The following COL14A1 variants were observed in gnomAD, a reference collection of about 807,000 sequenced individuals.
The protein encoded by COL14A1 is collagen type XIV alpha 1 chain.
Under a neutral mutation model 230.3 loss-of-function variants are expected in COL14A1, and 136 were observed. The observed-to-expected ratio is 0.59, with a 90% CI of 0.51 to 0.68. COL14A1 has a LOEUF of 0.68. Ranked by LOEUF, COL14A1 falls within the 30% of genes least tolerant of loss-of-function variation. COL14A1 has a pLI of 0.00. For missense variants in COL14A1, 1,976 were observed against 2,215.8 expected (o/e 0.89, Z 2.17); for synonymous variants, 792 against 784.1 (o/e 1.01, Z -0.17).
At chr8:120,370,576 C>A in intron 47 of COL14A1, 3 of 1,456,508 alleles carry the variant, frequency 2.1e-6, no homozygotes, top group Non-Finnish European at 2.7e-6. Flanking sequence ...GGAACTTAAC[C>A]AAATCATATA....
chr8:120,348,234 C>CAT (rs550578565), intron 45 of COL14A1, among the ~76,000 whole-genome samples: 2 of 145,486 alleles, frequency 1.4e-5, no homozygotes, highest in Non-Finnish European at 3.0e-5. Context: ...ATATATAAAG[C>CAT]ATATATATAT....
chr8:120,231,116 G>A (rs1818254703), intron 18 of COL14A1, among the ~76,000 whole-genome samples: 2 of 152,148 alleles, frequency 1.3e-5, no homozygotes, highest in African/African-American at 4.8e-5. Context: ...TGTCCACAGA[G>A]CACTAGTGTG....
chr8:120,298,015 A>G (rs1820580037), intron 35 of COL14A1, among the ~76,000 whole-genome samples: 1 of 152,036 alleles, frequency 6.6e-6, no homozygotes, highest in Non-Finnish European at 1.5e-5. Flanking sequence ...AGTGATATTT[A>G]TATTTTATTC....
chr8:120,353,822 A>C (rs1455314964), intron 45 of COL14A1, among the ~76,000 whole-genome samples: 1 of 151,948 alleles, frequency 6.6e-6, no homozygotes, highest in Non-Finnish European at 1.5e-5. Flanking sequence ...CCATTGTGGA[A>C]TTCGGTGTGG....
intron 14 of COL14A1, among the ~76,000 whole-genome samples, chr8:120,222,912 AAAC>A (rs200115605): frequency 0.014 from 2,121 of 152,316 alleles, 39 homozygotes; most frequent in African/African-American, 0.048. Context: ...GCCAAGGAGG[AAAC>A]AACAAGGCCG....
intron 19 of COL14A1, among the ~76,000 whole-genome samples, chr8:120,243,556 T>A (rs751953929): frequency 3.3e-5 from 5 of 152,228 alleles, no homozygotes; most frequent in African/African-American, 4.8e-5. Flanking sequence ...TCTCCCAATC[T>A]ATAAACACCT....
intron 40 of COL14A1, among the ~76,000 whole-genome samples, chr8:120,319,332 TTTTA>T (rs199580431): frequency 0.016 from 2,382 of 151,954 alleles, 64 homozygotes; most frequent in African/African-American, 0.054. Context: ...AATTTTTTTA[TTTTA>T]TTTATTTATT....
At position 120,160,158 on chromosome 8, in the gene COL14A1, A is replaced by T. The variant is rs372902840; in HGVS notation, c.205+1912A>T. ...GAGTTTTCATTTTGGAGTATGACTCAGTTATGAAATTTCTTTGATTTTTAA... is the reference window on the plus strand; with the variant it reads ...GAGTTTTCATTTTGGAGTATGACTCTGTTATGAAATTTCTTTGATTTTTAA... On this transcript the variant is annotated intron_variant, in intron 3 of 47. Coordinates refer to ENST00000297848, the MANE Select transcript of COL14A1 (RefSeq NM_021110.4). Among the ~76,000 whole-genome samples the T allele has an allele frequency of 8.5e-5, 13 of 152,298 alleles. No individual in the cohort carries two copies. In the East Asian group the frequency reaches 1.7e-3, roughly 20 times the overall value.
chr8:120,150,373 G>C (rs1036497110), intron 2 of COL14A1, among the ~76,000 whole-genome samples: 3 of 152,134 alleles, frequency 2.0e-5, no homozygotes, highest in African/African-American at 7.2e-5. Context: ...GGTGTTGAAG[G>C]CTGGAAGTAG....
At chr8:120,318,733 G>A (rs1174786252) in intron 40 of COL14A1, among the ~76,000 whole-genome samples, 1 of 152,106 alleles carries the variant, frequency 6.6e-6, no homozygotes, top group East Asian at 1.9e-4. Flanking sequence ...AGGCAAAGCT[G>A]CATTTGGGGG....
intron 21 of COL14A1, among the ~76,000 whole-genome samples, chr8:120,248,918 T>TTC (rs1818845927): frequency 7.2e-5 from 2 of 27,700 alleles, no homozygotes; most frequent in African/African-American, 4.4e-4. Context: ...TCAATCTTTC[T>TTC]TTTTTTTTTT....
chr8:120,285,263 A>G (rs1820157785), intron 32 of COL14A1, among the ~76,000 whole-genome samples: 1 of 151,562 alleles, frequency 6.6e-6, no homozygotes, highest in Non-Finnish European at 1.5e-5. Flanking sequence ...ACCATCCTGA[A>G]CATGAGGTCA....
In COL14A1 at chr8:120,212,713, AG is replaced by A. The variant is rs1379751304; in HGVS notation, c.1597+139del. 3 of 924,560 alleles carry A rather than the reference AG, an allele frequency of 3.2e-6. No homozygotes were observed. In the African/African-American group the frequency reaches 5.0e-5, roughly 16 times the overall value. The allele number at this position is 924,560 out of a possible 1,614,324, so 57.3% of individuals were successfully genotyped here. ...ATTTTAAAAATCTCATGTTCTATTT[AG>A]GGCAAGGAAATGTATTTCTTATATA... is the stretch of plus-strand genomic sequence containing the variant. On this transcript the variant is annotated intron_variant, in intron 13 of 47. Coordinates refer to ENST00000297848, the MANE Select transcript of COL14A1 (RefSeq NM_021110.4).
intron 7 of COL14A1, among the ~76,000 whole-genome samples, chr8:120,198,957 A>G (rs965737863): frequency 1.6e-4 from 25 of 152,334 alleles, no homozygotes; most frequent in South Asian, 6.2e-4. Context: ...AGGCAGGAGT[A>G]CGATTAATGA....
At chr8:120,350,134 C>G (rs1297346606) in intron 45 of COL14A1, among the ~76,000 whole-genome samples, 2 of 151,932 alleles carry the variant, frequency 1.3e-5, no homozygotes, top group Non-Finnish European at 1.5e-5. Context: ...TCCAGCCAAA[C>G]TAAGCTTCCT....
intron 45 of COL14A1, among the ~76,000 whole-genome samples, chr8:120,347,478 T>C (rs570734295): frequency 1.3e-5 from 2 of 152,260 alleles, no homozygotes; most frequent in African/African-American, 4.8e-5. Context: ...GGTCAGGGCT[T>C]ATAGGCCAGC....
intron 23 of COL14A1, among the ~76,000 whole-genome samples, chr8:120,262,562 G>A (rs1488674261): frequency 6.6e-6 from 1 of 152,170 alleles, no homozygotes; most frequent in African/African-American, 2.4e-5. Flanking sequence ...CAAAAGATCA[G>A]TTAGGATGTG....
At chr8:120,155,133 T>C (rs1384024526) in intron 2 of COL14A1, among the ~76,000 whole-genome samples, 2 of 152,226 alleles carry the variant, frequency 1.3e-5, no homozygotes, top group Non-Finnish European at 2.9e-5. Context: ...TATTTATGCT[T>C]CTATAGGCAA....
At position 120,281,012 on chromosome 8, in the gene COL14A1, T is replaced by A; in HGVS notation, c.3777T>A (p.Phe1259Leu). 3 of 1,613,208 alleles carry A rather than the reference T, an allele frequency of 1.9e-6. No individual in the cohort carries two copies. Among genetic ancestry groups the A allele is most frequent in the South Asian group, 1.1e-5 (1 of 90,966 alleles). ...TGGAGCCTGGTACCTTCAATGTGTTTCCATGTTACCAACTCCATAAAGATG... is the reference window on the plus strand; with the variant it reads ...TGGAGCCTGGTACCTTCAATGTGTTACCATGTTACCAACTCCATAAAGATG... ...VSMEPGTFNV[F>L]PCYQLHKDAL... Residue 1259 changes from phenylalanine to leucine, a missense_variant, in exon 31 of 48, where the codon TTT becomes TTA. Phe to Leu is a conservative substitution (Grantham distance 22, BLOSUM62 0). This residue lies in a region of COL14A1 where 1,791 missense variants were observed against 2,019.5 expected (regional missense o/e 0.89). Coordinates refer to ENST00000297848, the MANE Select transcript of COL14A1 (RefSeq NM_021110.4).
Sources: gnomAD v4.1 joint callset for allele counts (sites outside exome capture counted in the v4.1 genomes callset) on GRCh38, gnomAD v4.1.1 for gene constraint, gnomAD v4.1.1 regional missense constraint, MANE v1.5 for transcripts, NCBI Gene and HGNC (gene_info 2026-07-23, HGNC 2026-07-21) for gene names.